The following COBL variants were observed in gnomAD, a reference collection of about 807,000 sequenced individuals.
COBL encodes protein cordon-bleu.
Under a neutral mutation model 98.8 loss-of-function variants are expected in COBL, and 51 were observed. The ratio of observed to expected loss-of-function variants is 0.52; its 90% CI spans 0.41 to 0.65. The LOEUF (loss-of-function observed/expected upper bound fraction) is 0.65. COBL is among the 30% of genes least tolerant of loss of function. COBL has a pLI of 0.00. For missense variants in COBL, 1,617 were observed against 1,617.5 expected (o/e 1.00, Z 0.01); for synonymous variants, 634 against 651.7 (o/e 0.97, Z 0.41).
chr7:51,135,148 G>C (rs1799115445), intron 6 of COBL, among the ~76,000 whole-genome samples: 1 of 152,038 alleles, frequency 6.6e-6, no homozygotes, highest in African/African-American at 2.4e-5. Flanking sequence ...TTTTAGTAGA[G>C]ACGGGATTTC....
chr7:51,266,803 G>T (rs1357514575), intron 1 of COBL, among the ~76,000 whole-genome samples: 4 of 152,112 alleles, frequency 2.6e-5, no homozygotes, highest in Non-Finnish European at 1.5e-5. Flanking sequence ...CCTAGACCAA[G>T]AAACCTAACA....
intron 5 of COBL, among the ~76,000 whole-genome samples, chr7:51,177,882 T>C (rs1299107355): frequency 2.0e-5 from 3 of 151,846 alleles, no homozygotes; most frequent in Non-Finnish European, 4.4e-5. Flanking sequence ...CGGTGGCTCA[T>C]GCCTGTAATC....
intron 1 of COBL, chr7:51,316,368 G>A (rs1453795542): frequency 9.2e-6 from 3 of 327,418 alleles, no homozygotes; most frequent in Non-Finnish European, 1.6e-5. Flanking sequence ...GCCCCGGCCC[G>A]ACACGGTTAC....
intron 7 of COBL, among the ~76,000 whole-genome samples, chr7:51,054,418 G>T (rs1326707973): frequency 6.6e-6 from 1 of 152,202 alleles, no homozygotes; most frequent in African/African-American, 2.4e-5. Context: ...GAAGGTGAAG[G>T]ACTCTTCATG....
chr7:51,084,691 A>T (rs1307984762), intron 7 of COBL, among the ~76,000 whole-genome samples: 1 of 152,092 alleles, frequency 6.6e-6, no homozygotes, highest in East Asian at 1.9e-4. Context: ...CTAAATGTGT[A>T]CCAGGTAATA....
intron 11 of COBL, among the ~76,000 whole-genome samples, chr7:51,026,106 A>C (rs1787525128): frequency 6.6e-6 from 1 of 152,208 alleles, no homozygotes; most frequent in South Asian, 2.1e-4. Flanking sequence ...CTAAGATGAG[A>C]CCATTCTGCC....
At chr7:51,082,448 C>T (rs543278758) in intron 7 of COBL, among the ~76,000 whole-genome samples, 2 of 152,272 alleles carry the variant, frequency 1.3e-5, no homozygotes, top group African/African-American at 2.4e-5. Flanking sequence ...CCAAAAGAAC[C>T]CCAGGAAACA....
intron 8 of COBL, among the ~76,000 whole-genome samples, chr7:51,040,767 G>A (rs950089816): frequency 2.6e-5 from 4 of 152,102 alleles, no homozygotes. Flanking sequence ...AGGAAAACAC[G>A]CCATATTCCC....
chr7:51,049,043 T>C (rs1366986192), intron 7 of COBL, among the ~76,000 whole-genome samples: 1 of 152,214 alleles, frequency 6.6e-6, no homozygotes, highest in Non-Finnish European at 1.5e-5. Flanking sequence ...ATTAGGTTTC[T>C]AAAACTTTTC....
chr7:51,157,197 C>G (rs996510625), intron 5 of COBL, among the ~76,000 whole-genome samples: 1 of 152,106 alleles, frequency 6.6e-6, no homozygotes, highest in African/African-American at 2.4e-5. Context: ...ATGGTGAAAC[C>G]CCATCTCTAC....
At chr7:51,315,999 A>G (rs1170913997) in intron 1 of COBL, among the ~76,000 whole-genome samples, 2 of 152,198 alleles carry the variant, frequency 1.3e-5, no homozygotes, top group Non-Finnish European at 2.9e-5. Flanking sequence ...CCTGGAATAA[A>G]GGCAGGGAGG....
chr7:51,240,731 C>T (rs917267211), intron 1 of COBL, among the ~76,000 whole-genome samples: 12 of 151,718 alleles, frequency 7.9e-5, no homozygotes, highest in South Asian at 2.1e-4. Context: ...TTAAGTAATA[C>T]GGGGTTTCAG....
In COBL at chr7:51,103,226, C is replaced by T. The variant is rs573646391; in HGVS notation, c.958-17922G>A. ...TATCAAAGTGTAAGTGTTCTGAATA[C>T]TTTAAAAATTTACATTTTTTCACAT... is the stretch of plus-strand genomic sequence containing the variant. On this transcript the variant is annotated intron_variant, in intron 6 of 12. Coordinates refer to ENST00000265136, the MANE Select transcript of COBL (RefSeq NM_015198.5). 4.6e-5 allele frequency among the ~76,000 whole-genome samples: 7 copies of T among 152,202 alleles called. No homozygotes were observed. In the South Asian group the frequency reaches 1.5e-3, roughly 32 times the overall value.
chr7:51,101,400 G>C (rs1487460600), intron 6 of COBL, among the ~76,000 whole-genome samples: 1 of 152,154 alleles, frequency 6.6e-6, no homozygotes, highest in Non-Finnish European at 1.5e-5. Context: ...TCCCCCCAAA[G>C]GGAGGTAATT....
At chr7:51,084,260 C>T (rs1216857674) in intron 7 of COBL, among the ~76,000 whole-genome samples, 1 of 152,112 alleles carries the variant, frequency 6.6e-6, no homozygotes, top group African/African-American at 2.4e-5. Context: ...AAGGACTTTC[C>T]CTCCTGCAGC....
chr7:51,043,780 G>A lies in COBL; in HGVS notation c.1097-88C>T, dbSNP rs114326936. On this transcript the variant is annotated intron_variant, in intron 7 of 12. Transcript: ENST00000265136. ...AGTGTGACATCAGTCTGTCGGCCCC[G>A]CTCTAAAATTTGGGATTCAGGGTGC... The A allele has an allele frequency of 7.7e-4, 927 of 1,211,392 alleles. 5 individuals carry two copies. In the African/African-American group the frequency reaches 0.011, roughly 14 times the overall value. 75.0% of individuals were successfully genotyped at this position (1,211,392 alleles called of 1,614,324 possible).
intron 6 of COBL, among the ~76,000 whole-genome samples, chr7:51,130,476 A>G (rs541103006): frequency 6.6e-6 from 1 of 152,338 alleles, no homozygotes; most frequent in Admixed American, 6.5e-5. Flanking sequence ...GTCTGCAAAG[A>G]TGAGTATTGC....
At chr7:51,106,777 T>C (rs548303237) in intron 6 of COBL, among the ~76,000 whole-genome samples, 1 of 152,248 alleles carries the variant, frequency 6.6e-6, no homozygotes, top group African/African-American at 2.4e-5. Context: ...GAAAACAGTT[T>C]CTATCATCAT....
At chr7:51,137,472 A>G (rs1799346393) in intron 5 of COBL, among the ~76,000 whole-genome samples, 1 of 151,922 alleles carries the variant, frequency 6.6e-6, no homozygotes, top group Admixed American at 6.6e-5. Context: ...GGTCATGCTC[A>G]CCTTTAGTGC....
Sources: gnomAD v4.1 joint callset for allele counts (sites outside exome capture counted in the v4.1 genomes callset) on GRCh38, gnomAD v4.1.1 for gene constraint, MANE v1.5 for transcripts, NCBI Gene and HGNC (gene_info 2026-07-23, HGNC 2026-07-21) for gene names.